Variants in RELN observed in about 807,000 individuals in gnomAD.
RELN encodes reelin.
RELN carries 108 observed loss-of-function variants against 427.6 expected under a neutral mutation model. The observed-to-expected ratio is 0.25, with a 90% CI of 0.22 to 0.30. The LOEUF is 0.30. Ranked by LOEUF, RELN falls within the 10% of genes least tolerant of loss-of-function variation. The pLI is 1.00. For missense variants in RELN, 3,715 were observed against 4,302.8 expected, an observed-to-expected ratio of 0.86 and a Z score of 3.82; for synonymous variants, 1,524 against 1,513.4, an observed-to-expected ratio of 1.01 and a Z score of -0.16.
rs561211301 is a variant in RELN at position 103,917,201 on chromosome 7, G to GAA, written c.227-18_227-17dup. 2.1e-5 allele frequency: 31 copies of GAA among 1,456,544 alleles called. No individual in the cohort carries two copies. Among genetic ancestry groups the GAA allele is most frequent in the Non-Finnish European group, 2.6e-5 (28 of 1,070,204 alleles). The allele number at this position is 1,456,544 out of a possible 1,614,324, so 90.2% of individuals were successfully genotyped here. A position where few individuals can be genotyped will look rare whatever the true frequency, so the allele number is the denominator to read the frequency against. ...GAAATTGTCACTGAAATGTAAGAAAGAAAAAAAAAACTCTCAATACAGTCA... is the reference window on the plus strand; with the variant it reads ...GAAATTGTCACTGAAATGTAAGAAAGAAAAAAAAAAAACTCTCAATACAGTCA... On this transcript the variant is annotated splice_polypyrimidine_tract_variant and intron_variant, in intron 1 of 64. Coordinates refer to ENST00000428762, the MANE Select transcript of RELN (RefSeq NM_005045.4).
At chr7:103,826,719 C>CA (rs1236161893) in intron 3 of RELN, among the ~76,000 whole-genome samples, 1 of 152,030 alleles carries the variant, frequency 6.6e-6, no homozygotes, top group Non-Finnish European at 1.5e-5. Flanking sequence ...GGCCATACCT[C>CA]ATTTTAAAAA....
intron 49 of RELN, 42 bp downstream of exon 49, chr7:103,519,281 T>C (rs1467638674): frequency 6.7e-7 from 1 of 1,483,714 alleles, no homozygotes; most frequent in Admixed American, 1.7e-5. Context: ...TAGCAATCTC[T>C]GCTCGATGTA....
At chr7:103,790,093 C>T (rs1281310327) in intron 3 of RELN, among the ~76,000 whole-genome samples, 1 of 152,128 alleles carries the variant, frequency 6.6e-6, no homozygotes, top group Non-Finnish European at 1.5e-5. Flanking sequence ...AACAGAAAAC[C>T]AAATACTGCA....
intron 63 of RELN, chr7:103,481,908 A>G (rs1217722486): frequency 1.3e-5 from 2 of 152,152 alleles, no homozygotes; most frequent in African/African-American, 4.8e-5. Flanking sequence ...AGTTGTCCAA[A>G]AGCAGCAGCG....
intron 19 of RELN, among the ~76,000 whole-genome samples, chr7:103,631,900 A>G (rs1832476418): frequency 6.6e-6 from 1 of 152,098 alleles, no homozygotes; most frequent in Non-Finnish European, 1.5e-5. Flanking sequence ...GAAAGTTATA[A>G]TTTTTCTTCA....
chr7:103,800,735 C>G (rs1316471599), intron 3 of RELN, among the ~76,000 whole-genome samples: 1 of 152,146 alleles, frequency 6.6e-6, no homozygotes, highest in Admixed American at 6.5e-5. Flanking sequence ...CAAATGGGAT[C>G]TAATTAAAGT....
chr7:103,742,744 TAAG>T (rs1366974045), intron 6 of RELN, among the ~76,000 whole-genome samples: 1 of 152,118 alleles, frequency 6.6e-6, no homozygotes, highest in Non-Finnish European at 1.5e-5. Context: ...ACAAATCCTC[TAAG>T]AAATATGGGA....
At chr7:103,948,292 CACAT>C (rs1221379835) in intron 1 of RELN, among the ~76,000 whole-genome samples, 1 of 152,190 alleles carries the variant, frequency 6.6e-6, no homozygotes, top group Non-Finnish European at 1.5e-5. Context: ...TGCACACACA[CACAT>C]ATACTTACTT....
chr7:103,489,589 C>T (rs1210707712), intron 60 of RELN, among the ~76,000 whole-genome samples, 153 bp downstream of exon 60: 9 of 151,940 alleles, frequency 5.9e-5, no homozygotes, highest in African/African-American at 2.2e-4. Context: ...ATAATTTGTC[C>T]CAAAGTTAAA....
intron 2 of RELN, among the ~76,000 whole-genome samples, chr7:103,870,788 A>G (rs1355880252): frequency 2.0e-5 from 3 of 152,024 alleles, no homozygotes; most frequent in Non-Finnish European, 4.4e-5. Context: ...GTCTCTTCCT[A>G]CATGTGTGCA....
intron 3 of RELN, among the ~76,000 whole-genome samples, chr7:103,830,229 T>C (rs1793243544): frequency 6.6e-6 from 1 of 151,988 alleles, no homozygotes; most frequent in Non-Finnish European, 1.5e-5. Context: ...CACATTCTAT[T>C]GGTCTATAGT....
At chr7:103,932,143 C>T (rs1280509185) in intron 1 of RELN, among the ~76,000 whole-genome samples, 1 of 152,124 alleles carries the variant, frequency 6.6e-6, no homozygotes, top group Non-Finnish European at 1.5e-5. Context: ...ACCTAAATGC[C>T]CATCAATGGT....
At chr7:103,873,282 C>T (rs2116534543) in intron 2 of RELN, among the ~76,000 whole-genome samples, 1 of 139,950 alleles carries the variant, frequency 7.1e-6, no homozygotes, top group East Asian at 2.3e-4. Flanking sequence ...ACCCTAACAT[C>T]ACAATTAAAA....
At chr7:103,704,174 A>G (rs1222280142) in intron 8 of RELN, among the ~76,000 whole-genome samples, 1 of 152,206 alleles carries the variant, frequency 6.6e-6, no homozygotes, top group East Asian at 1.9e-4. Flanking sequence ...AATGATAAAG[A>G]TAAACCTAGT....
At chr7:103,611,502 T>C (rs1023716970) in intron 21 of RELN, 109 bp downstream of exon 21, 6 of 841,036 alleles carry the variant, frequency 7.1e-6, no homozygotes, top group Non-Finnish European at 1.1e-5. Context: ...TAACACTGTT[T>C]CTTTTCAACC....
In RELN at chr7:103,769,484, G is replaced by A. The variant is rs533936960; in HGVS notation, c.544+7073C>T. ...CTTGATTTTGAACTTCCCAGCCTTC[G>A]GAACTGTGAGAAAATAAATTTCTGT... On this transcript the variant is annotated intron_variant, in intron 4 of 64. Transcript: ENST00000428762. Among the ~76,000 whole-genome samples the A allele has an allele frequency of 6.0e-4, 91 of 152,046 alleles. 1 individual carries two copies. Among genetic ancestry groups the A allele is most frequent in the African/African-American group, 2.1e-3 (87 of 41,464 alleles).
intron 16 of RELN, among the ~76,000 whole-genome samples, chr7:103,645,373 C>T (rs890379496): frequency 2.6e-5 from 4 of 151,594 alleles, no homozygotes; most frequent in African/African-American, 7.3e-5. Flanking sequence ...CCATATACTG[C>T]TTACAAAAAA....
intron 50 of RELN, among the ~76,000 whole-genome samples, chr7:103,514,241 G>A (rs1476922043): frequency 1.3e-5 from 2 of 152,088 alleles, no homozygotes; most frequent in Non-Finnish European, 2.9e-5. Context: ...TTTATCTGAA[G>A]ATACCATGTT....
chr7:103,658,015 A>G (rs1286243573), intron 12 of RELN, among the ~76,000 whole-genome samples: 2 of 152,142 alleles, frequency 1.3e-5, no homozygotes, highest in Admixed American at 1.3e-4. Flanking sequence ...GTGAGCTAAA[A>G]GAGCTGGGCA....
Sources: allele counts gnomAD v4.1 joint callset (sites outside exome capture counted in the v4.1 genomes callset), GRCh38; gene constraint gnomAD v4.1.1; transcripts MANE v1.5; gene names NCBI Gene and HGNC (gene_info 2026-07-23, HGNC 2026-07-21).